The following PKLR variants were observed in gnomAD, a reference collection of about 807,000 sequenced individuals.
PKLR encodes the protein pyruvate kinase L/R, also known as pyruvate kinase PKLR.
A neutral mutation model predicts 53.6 loss-of-function variants in PKLR; 38 were observed. The observed-to-expected ratio is 0.71, with a 90% CI of 0.55 to 0.93. PKLR has a LOEUF of 0.93. Ranked by LOEUF, PKLR falls within the 40% of genes least tolerant of loss-of-function variation. The pLI, the probability that PKLR is intolerant of heterozygous loss-of-function variation, is 0.00. For missense variants in PKLR, 702 were observed against 787.3 expected (o/e 0.89, Z 1.30); for synonymous variants, 328 against 316.2 (o/e 1.04, Z -0.39).
rs759546000 is a variant in PKLR at position 155,295,661 on chromosome 1, G to A, written c.375+4C>T. 3.7e-6 allele frequency: 6 copies of A among 1,613,780 alleles called. No individual in the cohort carries two copies. Among genetic ancestry groups the A allele is most frequent in the Middle Eastern group, 1.6e-4 (1 of 6,084 alleles). On this transcript the variant is annotated splice_donor_region_variant and intron_variant, in intron 3 of 10. Transcript: ENST00000342741. The surrounding 1 kb of genome is among the most constrained non-coding windows in gnomAD (Gnocchi z 4.3). ...CACCCACTGCCCGGCGGCCCGTCCC[G>A]CACCTCGTGGGAGCCGTGGGAGAAG...
At chr1:155,297,859 T>C (rs1357189438) in intron 2 of PKLR, among the ~76,000 whole-genome samples, 1 of 152,166 alleles carries the variant, frequency 6.6e-6, no homozygotes, top group Non-Finnish European at 1.5e-5. Flanking sequence ...CCTGGAATTC[T>C]CTTCCCCCAG....
At chr1:155,301,067 G>A (rs1647968750) in intron 1 of PKLR, 3 of 1,527,432 alleles carry the variant, frequency 2.0e-6, no homozygotes, top group African/African-American at 2.8e-5. Flanking sequence ...GGAACCACGG[G>A]AGTGCCCCGT....
In PKLR at chr1:155,300,952, G is replaced by A. The variant is rs1416549678; in HGVS notation, c.100+344C>T. On this transcript the variant is annotated intron_variant, in intron 1 of 10. Coordinates refer to ENST00000342741, the MANE Select transcript of PKLR (RefSeq NM_000298.6). The stretch of plus-strand genomic sequence containing the variant: ...TGCTCCACACTGTTGGGTTGTCAGA[G>A]GCATGAGGCCCAGCTGGGCTGGGGA... 4 of 1,587,364 alleles carry A rather than the reference G, an allele frequency of 2.5e-6. No homozygotes were observed. The Admixed American group carries it at 5.4e-5, about 21-fold the overall frequency.
At position 155,295,273 on chromosome 1, in the gene PKLR, C is replaced by T; in HGVS notation, c.537G>A (p.Lys179=). 1.2e-6 allele frequency: 2 copies of T among 1,614,128 alleles called. No homozygotes were observed. The highest frequency in any genetic ancestry group is 1.7e-6 in the Non-Finnish European group (2 of 1,180,004). ...GGPESEVELV[K]GSQVLVTVDP... is the part of the protein sequence containing the mutation. The stretch of plus-strand genomic sequence containing the variant: ...CCACAGTCACCAGCACCTGGGAGCC[C>T]TTCACCAGCTCCACTTCCGACTCTG... The change falls in exon 5 of 11, where the codon AAG becomes AAA. Residue 179 remains lysine (K), a synonymous_variant. Coordinates refer to ENST00000342741, the MANE Select transcript of PKLR (RefSeq NM_000298.6). This position sits in a 1 kb window ranked among gnomAD's most constrained non-coding sequence, Gnocchi z 4.3.
Position 155,295,209 on chromosome 1 carries a change from A to G in PKLR, c.601T>C (p.Trp201Arg). 1 of 1,614,112 alleles carries G rather than the reference A, an allele frequency of 6.2e-7. No individual in the cohort carries two copies. Among genetic ancestry groups the G allele is most frequent in the South Asian group, 1.1e-5 (1 of 91,086 alleles). The part of the protein sequence containing the change: ...FRTRGNANTV[W>R]VDYPNIVRVV... ...CGGACAATATTGGGGTAGTCCACCC[A>G]CACGGTGTTCGCGTTCCCCCGCGTC... The change falls in exon 5 of 11, where the codon TGG (tryptophan) becomes CGG (arginine). Residue 201 changes from tryptophan to arginine, a missense_variant. By Grantham distance (101) the Trp-to-Arg change is moderately radical. Around this residue, in one of 2 missense-constraint regions of PKLR, gnomAD observed 519 missense variants for 537.1 expected, o/e 0.97. Coordinates refer to ENST00000342741, the MANE Select transcript of PKLR (RefSeq NM_000298.6). This position sits in a 1 kb window ranked among gnomAD's most constrained non-coding sequence, Gnocchi z 4.3.
chr1:155,299,064 C>CTTT lies in PKLR; in HGVS notation c.283+1033_283+1034insAAA, dbSNP rs1647823479. On this transcript the variant is annotated intron_variant, in intron 2 of 10. Coordinates refer to ENST00000342741, the MANE Select transcript of PKLR (RefSeq NM_000298.6). The stretch of plus-strand genomic sequence containing the variant: ...TCTTTCTTTCTTTCCTTCCTTCCTT[C>CTTT]CTTCCTTCTTTCTTTTCTTTCTTTC... Among the ~76,000 whole-genome samples, 8 of 145,280 alleles carry CTTT rather than the reference C, an allele frequency of 5.5e-5. 1 individual carries two copies. The East Asian group carries it at 8.2e-4, about 15-fold the overall frequency.
At chr1:155,303,268 C>T (rs1648129445), upstream of PKLR, among the ~76,000 whole-genome samples, 1 of 152,232 alleles carries the variant, frequency 6.6e-6, no homozygotes, top group African/African-American at 2.4e-5. Context: ...TGCCCTGATG[C>T]CACTTTTGGT....
chr1:155,299,030 CTTTCTCTTTCTTTCT>C (rs1557963434), intron 2 of PKLR, among the ~76,000 whole-genome samples: 1,895 of 84,652 alleles, frequency 0.022, 116 homozygotes, highest in African/African-American at 0.065. Flanking sequence ...TTCTTTCTTT[CTTTCTCTTTCTTTCT>C]TTCTTTCCTT....
upstream of PKLR, among the ~76,000 whole-genome samples, chr1:155,304,105 A>G (rs550473748): frequency 1.2e-3 from 183 of 152,250 alleles, no homozygotes; most frequent in Non-Finnish European, 2.4e-3. Flanking sequence ...ACATGATCCA[A>G]CTGATGGTTT....
At chr1:155,298,528 C>T (rs1237664682) in intron 2 of PKLR, among the ~76,000 whole-genome samples, 2 of 151,394 alleles carry the variant, frequency 1.3e-5, no homozygotes, top group African/African-American at 4.9e-5. Context: ...CGGGGTTTCT[C>T]CATGTTGAGG....
the PKLR span, among the ~76,000 whole-genome samples, chr1:155,307,155 C>T: frequency 0.022 from 3,406 of 152,228 alleles, 137 homozygotes; most frequent in African/African-American, 0.078. Context: ...CCTCGTGATC[C>T]GCCCACCTTG....
Position 155,291,815 on chromosome 1 carries a change from G to C in PKLR, c.1559C>G (p.Pro520Arg). The C allele has an allele frequency of 6.2e-7, 1 of 1,614,136 alleles. No individual in the cohort carries two copies. Among genetic ancestry groups the C allele is most frequent in the Admixed American group, 1.7e-5 (1 of 60,016 alleles). Residue 520 changes from proline (P) to arginine (R), a missense_variant, in exon 10 of 11, where the codon CCT (proline) becomes CGT (arginine). By Grantham distance (103) the Pro-to-Arg change is moderately radical. Coordinates refer to ENST00000342741, the MANE Select transcript of PKLR (RefSeq NM_000298.6). Reference sequence around the variant, plus strand: ...ATCATCTGCCCAGATGGCTTCTGGAGGTTCACGGTAAAGCAAGGGGAAGAC... The same window carrying C: ...ATCATCTGCCCAGATGGCTTCTGGACGTTCACGGTAAAGCAAGGGGAAGAC... ...RGVFPLLYREPPEAIWADDVD... is the reference protein window; with the variant it reads ...RGVFPLLYRERPEAIWADDVD...
Position 155,293,137 on chromosome 1 carries a change from A to G in PKLR, c.1436+40T>C. On this transcript the variant is annotated intron_variant, in intron 9 of 10. Transcript: ENST00000342741. The surrounding 1 kb of genome is among the most constrained non-coding windows in gnomAD (Gnocchi z 4.2). ...TGGGGCCCGTCCCAGCCCACCCCTG[A>G]CCCAAAGCTCCATCTGGACATTCCC... 6 of 1,240,808 alleles carry G rather than the reference A, an allele frequency of 4.8e-6. No individual in the cohort carries two copies. Among genetic ancestry groups the G allele is most frequent in the South Asian group, 1.2e-5 (1 of 83,686 alleles). The allele number at this position is 1,240,808 out of a possible 1,614,324, so 76.9% of individuals were successfully genotyped here.
upstream of PKLR, among the ~76,000 whole-genome samples, chr1:155,304,843 C>T (rs1444602609): frequency 3.3e-5 from 5 of 152,170 alleles, no homozygotes; most frequent in Non-Finnish European, 7.3e-5. Flanking sequence ...GCATTCATGC[C>T]TCATGGACAC....
Position 155,295,578 on chromosome 1 carries a change from G to A in PKLR, c.376-10C>T. The A allele has an allele frequency of 1.9e-6, 3 of 1,614,066 alleles. No individual in the cohort carries two copies. The highest frequency in any genetic ancestry group is 2.2e-5 in the South Asian group (2 of 91,076). The stretch of plus-strand genomic sequence containing the variant: ...TGGACTCAGCATGGTACTGGGGGAG[G>A]GAGCGGAGCGAGGGTTTCAGGGGAA... On this transcript the variant is annotated splice_polypyrimidine_tract_variant and intron_variant, in intron 3 of 10. Transcript: ENST00000342741. This position sits in a 1 kb window ranked among gnomAD's most constrained non-coding sequence, Gnocchi z 4.3.
At position 155,295,235 on chromosome 1, in the gene PKLR, C is replaced by T. The variant is rs1485617455; in HGVS notation, c.575G>A (p.Arg192Gln). 5 of 1,613,950 alleles carry T rather than the reference C, an allele frequency of 3.1e-6. No homozygotes were observed. Among genetic ancestry groups the T allele is most frequent in the Admixed American group, 1.7e-5 (1 of 60,012 alleles). Residue 192 changes from arginine to glutamine, a missense_variant, in exon 5 of 11, where the codon CGG (arginine) becomes CAG (glutamine). Coordinates refer to ENST00000342741, the MANE Select transcript of PKLR (RefSeq NM_000298.6). The surrounding 1 kb of genome is among the most constrained non-coding windows in gnomAD (Gnocchi z 4.3). ...QVLVTVDPAF[R>Q]TRGNANTVWV... ...CACGGTGTTCGCGTTCCCCCGCGTCCGGAACGCGGGGTCCACAGTCACCAG... is the reference window on the plus strand; with the variant it reads ...CACGGTGTTCGCGTTCCCCCGCGTCTGGAACGCGGGGTCCACAGTCACCAG...
intron 10 of PKLR, among the ~76,000 whole-genome samples, 183 bp from the exon 11 acceptor site, chr1:155,290,861 T>G (rs548368240): frequency 6.6e-6 from 1 of 151,724 alleles, no homozygotes; most frequent in Non-Finnish European, 1.5e-5. Context: ...TGGTGGCGCA[T>G]GCCTGTAATC....
In PKLR at chr1:155,300,249, C is replaced by T; in HGVS notation, c.132G>A (p.Val44=). The T allele has an allele frequency of 6.2e-7, 1 of 1,602,748 alleles. No individual in the cohort carries two copies. The highest frequency in any genetic ancestry group is 1.7e-4 in the Middle Eastern group (1 of 5,866). ...GPAGYLRRAS[V]AQLTQELGTA... ...TGCCCAGCTCCTGGGTCAGTTGGGCCACACTGGCCCGCCGCAGATACCCCG... is the reference window on the plus strand; with the variant it reads ...TGCCCAGCTCCTGGGTCAGTTGGGCTACACTGGCCCGCCGCAGATACCCCG... Residue 44 remains valine, a synonymous_variant, in exon 2 of 11, where the codon GTG becomes GTA. Coordinates refer to ENST00000342741, the MANE Select transcript of PKLR (RefSeq NM_000298.6).
chr1:155,292,361 C>T (rs576053049), intron 9 of PKLR, among the ~76,000 whole-genome samples: 1 of 150,206 alleles, frequency 6.7e-6, no homozygotes, highest in East Asian at 2.0e-4. Context: ...GCTGGCCAGG[C>T]ACAGTGGCTC....
Sources: allele counts gnomAD v4.1 joint callset (sites outside exome capture counted in the v4.1 genomes callset), GRCh38; gene constraint gnomAD v4.1.1; regional missense constraint gnomAD v4.1.1; non-coding constraint Gnocchi (gnomAD v3.1); transcripts MANE v1.5; gene names NCBI Gene and HGNC (gene_info 2026-07-23, HGNC 2026-07-21).